HSPA4L: variants seen among roughly 807,000 people sequenced by gnomAD.
HSPA4L encodes the protein heat shock 70 kDa protein 4L.
HSPA4L carries 48 observed loss-of-function variants against 100.3 expected under a neutral mutation model. The observed-to-expected ratio is 0.48, with a 90% CI of 0.38 to 0.61. The LOEUF is 0.61. Among genes scored for constraint, HSPA4L ranks in the 20% least tolerant of loss-of-function variants. The pLI is 0.00. For synonymous variants in HSPA4L, 319 were observed against 328.2 expected (o/e 0.97, Z 0.30); for missense variants, 886 against 988.6 (o/e 0.90, Z 1.39).
At chr4:127,825,826 T>G (rs1187663839) in intron 16 of HSPA4L, among the ~76,000 whole-genome samples, 2 of 150,204 alleles carry the variant, frequency 1.3e-5, no homozygotes, top group Non-Finnish European at 2.9e-5. Flanking sequence ...CTCAGGAGAC[T>G]GAGGCAGGAG....
At position 127,782,356 on chromosome 4, in the gene HSPA4L, A is replaced by C. The variant is rs371462440; in HGVS notation, c.-195A>C. 1.2e-5 allele frequency: 7 copies of C among 574,854 alleles called. No homozygotes were observed. The East Asian group carries it at 1.5e-4, about 12-fold the overall frequency. 35.6% of individuals were successfully genotyped at this position (574,854 alleles called of 1,614,324 possible). On this transcript the variant is annotated 5_prime_UTR_variant, in exon 1 of 19. Coordinates refer to ENST00000296464, the MANE Select transcript of HSPA4L (RefSeq NM_014278.4). The stretch of plus-strand genomic sequence containing the variant: ...AGACCCAGGCTGCGGGACGCGGTGC[A>C]GGCTGCGGCGCTGACGGCCTCTGCT...
At chr4:127,820,707 A>G in intron 14 of HSPA4L, 142 bp downstream of exon 14, 3 of 734,720 alleles carry the variant, frequency 4.1e-6, no homozygotes, top group Non-Finnish European at 6.5e-6. Flanking sequence ...ACTATTTTTT[A>G]CAAAATACTG....
chr4:127,823,400 T>TG, intron 15 of HSPA4L, 117 bp from the exon 16 acceptor site: 1 of 654,910 alleles, frequency 1.5e-6, no homozygotes. Context: ...CCTCCCACCT[T>TG]GGCCTTTCAA....
chr4:127,786,594 T>C (rs1732725006), intron 1 of HSPA4L, among the ~76,000 whole-genome samples: 1 of 152,178 alleles, frequency 6.6e-6, no homozygotes, highest in African/African-American at 2.4e-5. Flanking sequence ...GCTTCCTGAA[T>C]AGCTAGGACT....
At chr4:127,810,112 G>T (rs182403792) in intron 11 of HSPA4L, among the ~76,000 whole-genome samples, 1 of 152,020 alleles carries the variant, frequency 6.6e-6, no homozygotes, top group East Asian at 1.9e-4. Context: ...CATTATAAAT[G>T]ATGTGACTAA....
At chr4:127,782,298 G>T, upstream of HSPA4L, 1 of 481,220 alleles carries the variant, frequency 2.1e-6, no homozygotes, top group Non-Finnish European at 3.7e-6. Context: ...CCCAGTAACC[G>T]CCGGTTGGAG....
At chr4:127,819,240 A>G (rs1197092569) in intron 13 of HSPA4L, among the ~76,000 whole-genome samples, 1 of 152,154 alleles carries the variant, frequency 6.6e-6, no homozygotes, top group African/African-American at 2.4e-5. Flanking sequence ...TTTTTCTAAG[A>G]TAGTGATTGC....
At position 127,811,487 on chromosome 4, in the gene HSPA4L, A is replaced by G. The variant is rs763349824; in HGVS notation, c.1429A>G (p.Lys477Glu). The stretch of plus-strand genomic sequence containing the variant: ...TCCACAGTCTGATGGTGATAGTTCC[A>G]AAGTGAAGGTTAAAGTTCGTGTTAA... ...VFPQSDGDSS[K>E]VKVKVRVNIH... The change falls in exon 12 of 19, where the codon AAA (lysine) becomes GAA (glutamate). Residue 477 changes from lysine to glutamate, a missense_variant. Physicochemically the swap from Lys to Glu is moderately conservative, Grantham distance 56. Coordinates refer to ENST00000296464, the MANE Select transcript of HSPA4L (RefSeq NM_014278.4). 2.4e-5 allele frequency: 39 copies of G among 1,613,954 alleles called. No homozygotes were observed. Among genetic ancestry groups the G allele is most frequent in the Non-Finnish European group, 3.3e-5 (39 of 1,179,996 alleles).
intron 11 of HSPA4L, chr4:127,809,183 C>T (rs1733456084): frequency 9.8e-7 from 1 of 1,025,368 alleles, no homozygotes; most frequent in Admixed American, 1.7e-5. Context: ...GCATCAAACT[C>T]TTCAGGACAA....
chr4:127,781,858 C>A (rs1335791646), upstream of HSPA4L: 1 of 310,784 alleles, frequency 3.2e-6, no homozygotes, highest in African/African-American at 2.3e-5. Flanking sequence ...CGGGCGAGCC[C>A]TTCTGAGGGC....
rs568880859 is a variant in HSPA4L at position 127,822,018 on chromosome 4, A to G, written c.1813-751A>G. 5.3e-5 allele frequency among the ~76,000 whole-genome samples: 8 copies of G among 152,278 alleles called. No individual in the cohort carries two copies. In the East Asian group the frequency reaches 9.6e-4, roughly 18 times the overall value. ...TAAAGTATCCAGTGGTTTTCGGTAT[A>G]CTACGTTAATTTTTTTACATGAAAT... On this transcript the variant is annotated intron_variant, in intron 14 of 18. Coordinates refer to ENST00000296464, the MANE Select transcript of HSPA4L (RefSeq NM_014278.4).
chr4:127,782,104 C>T (rs1406539670), upstream of HSPA4L: 2 of 455,402 alleles, frequency 4.4e-6, no homozygotes, highest in Non-Finnish European at 8.8e-6. Flanking sequence ...CCCGCCTTCC[C>T]GCTTCTCCCG....
In HSPA4L at chr4:127,822,442, G is replaced by T. The variant is rs560184246; in HGVS notation, c.1813-327G>T. ...ACATTTGGGTTGTTTCTACTTTTTG[G>T]CTATTGTGAATAATGCTGCAGTGAA... On this transcript the variant is annotated intron_variant, in intron 14 of 18. Coordinates refer to ENST00000296464, the MANE Select transcript of HSPA4L (RefSeq NM_014278.4). Among the ~76,000 whole-genome samples, 10 of 151,878 alleles carry T rather than the reference G, an allele frequency of 6.6e-5. 1 individual carries two copies. In the South Asian group the frequency reaches 1.2e-3, roughly 19 times the overall value.
At chr4:127,817,225 C>G (rs1230892098) in intron 12 of HSPA4L, among the ~76,000 whole-genome samples, 5 of 152,052 alleles carry the variant, frequency 3.3e-5, no homozygotes, top group Non-Finnish European at 5.9e-5. Flanking sequence ...ACCACCATGC[C>G]TGGCTAATTT....
At chr4:127,827,453 C>T (rs375972858) in intron 17 of HSPA4L, 29 bp downstream of exon 17, 38 of 1,612,256 alleles carry the variant, frequency 2.4e-5, no homozygotes, top group Middle Eastern at 1.7e-4. Flanking sequence ...CAATTGGTGA[C>T]GATGGCATGT....
At chr4:127,812,597 T>A in intron 12 of HSPA4L, 1 of 631,182 alleles carries the variant, frequency 1.6e-6, no homozygotes, top group Non-Finnish European at 2.8e-6. Flanking sequence ...TTTAATGGCA[T>A]TAGATTTTTT....
At chr4:127,784,148 A>G (rs1172125440) in intron 1 of HSPA4L, among the ~76,000 whole-genome samples, 1 of 152,134 alleles carries the variant, frequency 6.6e-6, no homozygotes, top group Middle Eastern at 3.2e-3. Context: ...CGGAAATTCC[A>G]CTCTCCACCT....
At chr4:127,809,875 T>C (rs1733477045) in intron 11 of HSPA4L, among the ~76,000 whole-genome samples, 1 of 152,212 alleles carries the variant, frequency 6.6e-6, no homozygotes, top group Non-Finnish European at 1.5e-5. Context: ...ACCAATAAGC[T>C]TAAATCTGTT....
intron 1 of HSPA4L, among the ~76,000 whole-genome samples, chr4:127,788,692 T>A (rs1732785863): frequency 1.3e-5 from 2 of 152,284 alleles, no homozygotes; most frequent in South Asian, 4.1e-4. Flanking sequence ...TTGGGGTATG[T>A]CACAACTGAG....
Sources: gnomAD v4.1 joint callset for allele counts (sites outside exome capture counted in the v4.1 genomes callset) on GRCh38, gnomAD v4.1.1 for gene constraint, MANE v1.5 for transcripts, NCBI Gene and HGNC (gene_info 2026-07-23, HGNC 2026-07-21) for gene names.